Variants in SCN10A observed in about 807,000 individuals in gnomAD.
SCN10A encodes sodium channel protein type 10 subunit alpha.
A neutral mutation model predicts 170.7 loss-of-function variants in SCN10A; 162 were observed. That is an observed-to-expected ratio of 0.95 (90% CI 0.84 to 1.08). The LOEUF (loss-of-function observed/expected upper bound fraction) is 1.08. Ranked by LOEUF, SCN10A falls within the 50% of genes least tolerant of loss-of-function variation. SCN10A has a pLI of 0.00. For missense variants in SCN10A, 2,527 were observed against 2,436.9 expected (o/e 1.04, Z -0.78); for synonymous variants, 985 against 904.6 (o/e 1.09, Z -1.59).
chr3:38,739,801 T>C, intron 14 of SCN10A, 113 bp from the exon 15 acceptor site: 1 of 885,226 alleles, frequency 1.1e-6, no homozygotes, highest in Middle Eastern at 2.3e-4. Flanking sequence ...TTTTGTTTTG[T>C]TCAGTTGCTA....
chr3:38,811,366 T>C (rs981832933), intron 1 of SCN10A, among the ~76,000 whole-genome samples: 5 of 151,656 alleles, frequency 3.3e-5, no homozygotes, highest in Non-Finnish European at 5.9e-5. Context: ...GGCAGGAGAA[T>C]TGCTTGAACC....
intron 11 of SCN10A, 126 bp downstream of exon 11, chr3:38,755,662 T>C: frequency 9.3e-7 from 1 of 1,078,322 alleles, no homozygotes; most frequent in South Asian, 1.5e-5. Context: ...TGGAGGGGTG[T>C]CTGGATCCTT....
At chr3:38,758,052 A>G (rs2063829604) in intron 8 of SCN10A, among the ~76,000 whole-genome samples, 1 of 152,144 alleles carries the variant, frequency 6.6e-6, no homozygotes, top group African/African-American at 2.4e-5. Context: ...TGTTTTATTT[A>G]CCTGCATTCC....
intron 3 of SCN10A, among the ~76,000 whole-genome samples, chr3:38,791,430 G>A (rs1397491845): frequency 6.6e-6 from 1 of 152,184 alleles, no homozygotes; most frequent in Non-Finnish European, 1.5e-5. Context: ...TTACAGTCTT[G>A]TATGGCATGA....
At chr3:38,736,697 A>G (rs985875992) in intron 15 of SCN10A, among the ~76,000 whole-genome samples, 1 of 151,996 alleles carries the variant, frequency 6.6e-6, no homozygotes, top group Non-Finnish European at 1.5e-5. Flanking sequence ...GTGAAATCTA[A>G]GCTAGGTCAT....
chr3:38,762,478 C>T (rs571831052), intron 6 of SCN10A, among the ~76,000 whole-genome samples: 1 of 152,116 alleles, frequency 6.6e-6, no homozygotes, highest in Non-Finnish European at 1.5e-5. Context: ...GGAAGGATAT[C>T]CCAGAAGAAG....
intron 1 of SCN10A, among the ~76,000 whole-genome samples, chr3:38,814,975 AG>A (rs1248697387): frequency 6.6e-6 from 1 of 152,256 alleles, no homozygotes; most frequent in African/African-American, 2.4e-5. Context: ...AGTCCAGTAA[AG>A]CTGATTCAAA....
chr3:38,783,545 T>C (rs1340902451), intron 4 of SCN10A, among the ~76,000 whole-genome samples: 2 of 152,094 alleles, frequency 1.3e-5, no homozygotes, highest in African/African-American at 2.4e-5. Context: ...AGTTTATTAA[T>C]TTTTATTGCT....
chr3:38,776,129 A>G (rs1457551673), intron 4 of SCN10A, among the ~76,000 whole-genome samples: 1 of 152,108 alleles, frequency 6.6e-6, no homozygotes, highest in Non-Finnish European at 1.5e-5. Flanking sequence ...GTACTAGGAC[A>G]AAAGGATCAT....
chr3:38,755,172 C>T (rs1279141715), intron 11 of SCN10A, among the ~76,000 whole-genome samples: 2 of 151,658 alleles, frequency 1.3e-5, no homozygotes, highest in Admixed American at 1.3e-4. Flanking sequence ...CAGGTGACAG[C>T]TTGAATTGCA....
rs1382268173 is a variant in SCN10A, at chr3:38,742,350, C to T, written c.2047G>A (p.Ala683Thr). The change falls in exon 14 of 28, where the codon GCC (alanine) becomes ACC (threonine). Residue 683 changes from alanine to threonine, a missense_variant. Transcript: ENST00000449082. ...GGGCTCATGCCATGGTGCTCCATGG[C>T]CATGAAGATGGTGTTCACCACGATG... ...LCIVVNTIFM[A>T]MEHHGMSPTF... is the part of the protein sequence containing the mutation. 2.5e-6 allele frequency: 4 copies of T among 1,614,100 alleles called. No individual in the cohort carries two copies. Among genetic ancestry groups the T allele is most frequent in the Admixed American group, 1.7e-5 (1 of 60,014 alleles).
chr3:38,774,043 C>A lies in SCN10A; in HGVS notation c.471-2636G>T, dbSNP rs577938233. On this transcript the variant is annotated intron_variant, in intron 4 of 27. Transcript: ENST00000449082. ...TCAGAATCTTTATAAAACTCTGTGA[C>A]CTTTTAAATTATGAACATATATGTC... is the stretch of plus-strand genomic sequence containing the variant. Among the ~76,000 whole-genome samples the A allele has an allele frequency of 9.9e-5, 15 of 151,994 alleles. No individual in the cohort carries two copies. In the East Asian group the frequency reaches 2.9e-3, roughly 29 times the overall value.
chr3:38,742,188 TA>T, intron 14 of SCN10A, 102 bp downstream of exon 14: 1 of 777,064 alleles, frequency 1.3e-6, no homozygotes, highest in Admixed American at 2.0e-5. Context: ...CTCAACACAC[TA>T]ACCAATAAGG....
intron 22 of SCN10A, 26 bp downstream of exon 22, chr3:38,713,932 G>A (rs1486867127): frequency 1.9e-6 from 3 of 1,611,790 alleles, no homozygotes; most frequent in African/African-American, 1.3e-5. Context: ...CTGGCCAGAT[G>A]AGAGAAGTTT....
rs529845623 is a variant in SCN10A at position 38,698,540 on chromosome 3, A to C, written c.4680T>G (p.Leu1560=). The part of the protein sequence containing the change: ...SIASLIFSAI[L]KSLQSYFSPT... ...GGGAGAAGTAACTTTGAAGTGACTT[A>C]AGAATTGCAGAAAAAATCAGGCCTT... Residue 1560 remains leucine (L), a synonymous_variant, in exon 28 of 28, where the codon CTT becomes CTG. Transcript: ENST00000449082. The C allele has an allele frequency of 5.3e-4, 846 of 1,611,064 alleles. 6 individuals are homozygous for C. The South Asian group carries it at 8.6e-3, about 16-fold the overall frequency.
intron 26 of SCN10A, among the ~76,000 whole-genome samples, chr3:38,706,054 G>C (rs2063207426): frequency 6.6e-6 from 1 of 152,138 alleles, no homozygotes; most frequent in Non-Finnish European, 1.5e-5. Flanking sequence ...GAAGAAAGCT[G>C]TGCCCCTACA....
At chr3:38,766,337 C>A (rs1468607835) in intron 5 of SCN10A, among the ~76,000 whole-genome samples, 1 of 152,114 alleles carries the variant, frequency 6.6e-6, no homozygotes, top group East Asian at 1.9e-4. Context: ...ATGCTTTCAA[C>A]TTTTCCCTGT....
intron 4 of SCN10A, among the ~76,000 whole-genome samples, chr3:38,773,968 G>A (rs970202499): frequency 5.3e-5 from 8 of 152,140 alleles, no homozygotes; most frequent in Admixed American, 2.6e-4. Context: ...GCTAAAAGTG[G>A]TGGCCTCTGG....
In SCN10A at chr3:38,698,447, C is replaced by T. The variant is rs2063121844; in HGVS notation, c.4773G>A (p.Lys1591=). 1.2e-6 allele frequency: 2 copies of T among 1,614,184 alleles called. No homozygotes were observed. The highest frequency in any genetic ancestry group is 2.2e-5 in the East Asian group (1 of 44,890). The change falls in exon 28 of 28, where the codon AAG becomes AAA. Residue 1591 remains lysine, a synonymous_variant. Coordinates refer to ENST00000449082, the MANE Select transcript of SCN10A (RefSeq NM_006514.4). ...GGGCAAAGAGCAGTGTGCGGATCCC[C>T]TTGGCCGCTCGGATCAGTCTGAGGA... ...GRILRLIRAA[K]GIRTLLFALM...
Sources: gnomAD v4.1 joint callset for allele counts (sites outside exome capture counted in the v4.1 genomes callset) on GRCh38, gnomAD v4.1.1 for gene constraint, MANE v1.5 for transcripts, NCBI Gene and HGNC (gene_info 2026-07-23, HGNC 2026-07-21) for gene names.